CHIA: variants seen among roughly 807,000 people sequenced by gnomAD.
CHIA encodes chitinase acidic.
In CHIA, 47 loss-of-function variants were observed where a neutral mutation model predicts 53.5. That is an observed-to-expected ratio of 0.88 (90% CI 0.70 to 1.12). The LOEUF (loss-of-function observed/expected upper bound fraction) is 1.12. CHIA is among the 50% of genes most tolerant of loss of function. The pLI is 0.00. For missense variants in CHIA, 652 were observed against 592.2 expected, an observed-to-expected ratio of 1.10 and a Z score of -1.05; for synonymous variants, 268 against 222.2, an observed-to-expected ratio of 1.21 and a Z score of -1.83.
chr1:111,304,928 T>G (rs72984191), intron 1 of CHIA, among the ~76,000 whole-genome samples: 5,987 of 152,224 alleles, frequency 0.039, 406 homozygotes, highest in African/African-American at 0.14. Flanking sequence ...TCTTGTCTTT[T>G]TTGTATTTTT....
chr1:111,304,593 TC>T (rs1372081843), intron 1 of CHIA, among the ~76,000 whole-genome samples: 1 of 152,208 alleles, frequency 6.6e-6, no homozygotes, highest in Non-Finnish European at 1.5e-5. Context: ...TCTGTTTTTG[TC>T]CAAATTTTTA....
chr1:111,305,956 G>A (rs992260318), intron 1 of CHIA, among the ~76,000 whole-genome samples: 1 of 152,134 alleles, frequency 6.6e-6, no homozygotes, highest in African/African-American at 2.4e-5. Context: ...GTAATAAATA[G>A]AAGATGCAGT....
chr1:111,303,543 G>A (rs1647935093), intron 1 of CHIA, among the ~76,000 whole-genome samples: 1 of 151,518 alleles, frequency 6.6e-6, no homozygotes, highest in Non-Finnish European at 1.5e-5. Context: ...GTTACAATGG[G>A]GATTACATTT....
chr1:111,316,352 G>A (rs1355349020), intron 6 of CHIA: 1 of 154,530 alleles, frequency 6.5e-6, no homozygotes, highest in African/African-American at 2.4e-5. Flanking sequence ...AGAAGGAGAT[G>A]AGAAGTCATG....
chr1:111,314,503 T>G (rs1246131623), intron 4 of CHIA, 37 bp from the exon 5 acceptor site: 1 of 1,433,262 alleles, frequency 7.0e-7, no homozygotes, highest in Non-Finnish European at 9.8e-7. Flanking sequence ...GAGTCCTGAC[T>G]TTTGAAGTTT....
At chr1:111,297,441 AT>A (rs1478471897) in intron 1 of CHIA, among the ~76,000 whole-genome samples, 1 of 152,198 alleles carries the variant, frequency 6.6e-6, no homozygotes, top group Non-Finnish European at 1.5e-5. Context: ...AAATAAAAGA[AT>A]TTTCAACCCA....
rs1649362111 is a variant in CHIA at position 111,318,515 on chromosome 1, A to G, written c.752A>G (p.Lys251Arg). 1 of 1,613,916 alleles carries G rather than the reference A, an allele frequency of 6.2e-7. No homozygotes were observed. The highest frequency in any genetic ancestry group is 1.7e-5 in the Admixed American group (1 of 59,984). ...CAGGATTATGTCATGAACTACTGGA[A>G]GGACAATGGAGCACCAGCTGAGAAG... Reference protein sequence around the residue: ...LNVDYVMNYWKDNGAPAEKLI... With the variant: ...LNVDYVMNYWRDNGAPAEKLI... Residue 251 changes from lysine to arginine, a missense_variant, in exon 9 of 12, where the codon AAG becomes AGG. Transcript: ENST00000369740.
rs1649433735 is a variant in CHIA, at chr1:111,319,178, C to T, written c.974C>T (p.Pro325Leu). 6.2e-7 allele frequency: 1 copy of T among 1,614,044 alleles called. No homozygotes were observed. ...GGATGGGATGCCCCTCAGGAAGTGC[C>T]TTATGCCTATCAGGGCAATGTGTGG... ...TQGWDAPQEVPYAYQGNVWVG... is the reference protein window; with the variant it reads ...TQGWDAPQEVLYAYQGNVWVG... The change falls in exon 10 of 12, where the codon CCT becomes CTT. Residue 325 changes from proline (P) to leucine (L), a missense_variant. Physicochemically the swap from Pro to Leu is moderately conservative, Grantham distance 98 (BLOSUM62 -3). Transcript: ENST00000369740.
intron 1 of CHIA, among the ~76,000 whole-genome samples, chr1:111,305,797 T>C (rs1648133613): frequency 6.6e-6 from 1 of 152,160 alleles, no homozygotes; most frequent in African/African-American, 2.4e-5. Flanking sequence ...GCTAAGCATA[T>C]TGGAAAAGAA....
At chr1:111,311,654 T>C in intron 2 of CHIA, 35 bp from the exon 3 acceptor site, 1 of 1,613,084 alleles carries the variant, frequency 6.2e-7, no homozygotes, top group Non-Finnish European at 8.5e-7. Context: ...GTACAGACAA[T>C]CGGTTCAAAG....
At chr1:111,308,108 A>G (rs908366599) in intron 1 of CHIA, among the ~76,000 whole-genome samples, 1 of 152,232 alleles carries the variant, frequency 6.6e-6, no homozygotes, top group Non-Finnish European at 1.5e-5. Context: ...ATTCTTTCCA[A>G]TAACCAAGTG....
At chr1:111,290,978 C>T (rs1197209898) in intron 1 of CHIA, 28 bp downstream of exon 1, 1 of 401,872 alleles carries the variant, frequency 2.5e-6, no homozygotes, top group Non-Finnish European at 4.9e-6. Flanking sequence ...TATATCTTTT[C>T]CCTTCTCCCT....
intron 1 of CHIA, among the ~76,000 whole-genome samples, chr1:111,299,891 T>C (rs973138857): frequency 1.3e-5 from 2 of 152,156 alleles, no homozygotes; most frequent in Non-Finnish European, 1.5e-5. Context: ...AGTCTCAGGA[T>C]ACAAAATCAA....
chr1:111,293,182 C>T (rs940144955), intron 1 of CHIA, among the ~76,000 whole-genome samples: 1 of 152,052 alleles, frequency 6.6e-6, no homozygotes, highest in Non-Finnish European at 1.5e-5. Context: ...GCAGCTGTAC[C>T]GTTTTACATT....
At chr1:111,311,591 C>A in intron 2 of CHIA, 98 bp from the exon 3 acceptor site, 1 of 1,408,196 alleles carries the variant, frequency 7.1e-7, no homozygotes, top group Non-Finnish European at 1.0e-6. Flanking sequence ...GAGGTTGTAA[C>A]AATTTATGGC....
intron 1 of CHIA, among the ~76,000 whole-genome samples, chr1:111,292,935 A>G (rs902832342): frequency 6.6e-6 from 1 of 152,208 alleles, no homozygotes; most frequent in Non-Finnish European, 1.5e-5. Flanking sequence ...TAAAGGCTGA[A>G]TAATACTTTA....
intron 1 of CHIA, among the ~76,000 whole-genome samples, chr1:111,295,103 G>A (rs919458870): frequency 6.6e-6 from 1 of 152,148 alleles, no homozygotes; most frequent in Non-Finnish European, 1.5e-5. Flanking sequence ...AAGAATTGGT[G>A]TTCATTTGTC....
intron 1 of CHIA, among the ~76,000 whole-genome samples, chr1:111,297,409 A>G (rs914563967): frequency 2.6e-5 from 4 of 152,222 alleles, no homozygotes; most frequent in Non-Finnish European, 5.9e-5. Context: ...GAAGAGAGTG[A>G]GGGCTAATAT....
Position 111,310,494 on chromosome 1 carries a change from T to C in CHIA, c.25+2T>C, listed in dbSNP as rs1648576572. ...TGACAAAGCTTATTCTCCTCACAGG[T>C]GGGTTTGTAATCAGAGATTGACCCT... On this transcript the variant is annotated splice_donor_variant, in intron 2 of 11. Transcript: ENST00000369740. LOFTEE classifies it high-confidence loss of function. 1 of 1,614,204 alleles carries C rather than the reference T, an allele frequency of 6.2e-7. No homozygotes were observed. Among genetic ancestry groups the C allele is most frequent in the Non-Finnish European group, 8.5e-7 (1 of 1,180,020 alleles).
Sources: allele counts gnomAD v4.1 joint callset (sites outside exome capture counted in the v4.1 genomes callset), GRCh38; gene constraint gnomAD v4.1.1; transcripts MANE v1.5; gene names NCBI Gene and HGNC (gene_info 2026-07-23, HGNC 2026-07-21).